TRIO: variants seen among roughly 807,000 people sequenced by gnomAD.
The protein encoded by TRIO is trio Rho guanine nucleotide exchange factor, also known as triple functional domain protein.
Under a neutral mutation model 351.9 loss-of-function variants are expected in TRIO, and 58 were observed. That is an observed-to-expected ratio of 0.16 (90% CI 0.13 to 0.21). The LOEUF is 0.21. Among genes scored for constraint, TRIO ranks in the 10% least tolerant of loss-of-function variants. The pLI, the probability that TRIO is intolerant of heterozygous loss-of-function variation, is 1.00. For synonymous variants in TRIO, 1,758 were observed against 1,595.7 expected (o/e 1.10, Z -2.42); for missense variants, 3,201 against 4,027.8 (o/e 0.79, Z 5.56).
chr5:14,232,523 A>G (rs1030422038), intron 1 of TRIO, among the ~76,000 whole-genome samples: 10 of 152,222 alleles, frequency 6.6e-5, no homozygotes, highest in African/African-American at 2.4e-5. Context: ...TAAGCTCCGC[A>G]AGGGCAGGAA....
intron 1 of TRIO, among the ~76,000 whole-genome samples, chr5:14,146,334 G>A (rs1787521459): frequency 6.6e-6 from 1 of 152,148 alleles, no homozygotes; most frequent in Non-Finnish European, 1.5e-5. Flanking sequence ...GACAGATCAT[G>A]GTGTGTTTTT....
chr5:14,306,017 C>T (rs1488919494), intron 8 of TRIO, among the ~76,000 whole-genome samples: 1 of 152,210 alleles, frequency 6.6e-6, no homozygotes, highest in Non-Finnish European at 1.5e-5. Flanking sequence ...TAGGCTGCAT[C>T]GTCTAGCTTT....
chr5:14,484,367 G>T (rs1292519832), intron 46 of TRIO, among the ~76,000 whole-genome samples: 1 of 152,214 alleles, frequency 6.6e-6, no homozygotes, highest in African/African-American at 2.4e-5. Flanking sequence ...AGGGGTTTGG[G>T]AAACAGGTAA....
chr5:14,269,573 G>A (rs930613673), intron 1 of TRIO, among the ~76,000 whole-genome samples: 1 of 152,220 alleles, frequency 6.6e-6, no homozygotes, highest in Non-Finnish European at 1.5e-5. Flanking sequence ...CTGCCCTCAG[G>A]CTAACAGCCC....
intron 1 of TRIO, among the ~76,000 whole-genome samples, chr5:14,244,283 G>T (rs1414903647): frequency 6.6e-6 from 1 of 152,200 alleles, no homozygotes; most frequent in African/African-American, 2.4e-5. Context: ...GTAATTTCCT[G>T]TTTAATTTAT....
intron 33 of TRIO, among the ~76,000 whole-genome samples, chr5:14,418,228 G>A (rs1749803438): frequency 6.6e-6 from 1 of 152,180 alleles, no homozygotes; most frequent in South Asian, 2.1e-4. Context: ...GGAGGAGGAG[G>A]GAGGTGCTTC....
In TRIO at chr5:14,397,168, C is replaced by CT; in HGVS notation, c.4423+14_4423+15insT. 1 of 1,587,250 alleles carries CT rather than the reference C, an allele frequency of 6.3e-7. No homozygotes were observed. Among genetic ancestry groups the CT allele is most frequent in the Non-Finnish European group, 8.6e-7 (1 of 1,165,450 alleles). ...GCATGCTGGAAGGTAAAGGACCCTCCATACCCCAGTGTGCATCTATGCAGT... is the reference window on the plus strand; with the variant it reads ...GCATGCTGGAAGGTAAAGGACCCTCCTATACCCCAGTGTGCATCTATGCAGT... On this transcript the variant is annotated intron_variant, in intron 29 of 56. Transcript: ENST00000344204.
intron 1 of TRIO, among the ~76,000 whole-genome samples, chr5:14,224,688 A>G (rs1054150910): frequency 2.6e-5 from 4 of 152,196 alleles, no homozygotes; most frequent in Non-Finnish European, 2.9e-5. Context: ...TGGCTAAAAT[A>G]TAGTTCAGTT....
intron 7 of TRIO, among the ~76,000 whole-genome samples, chr5:14,302,589 G>A (rs16903376): frequency 0.033 from 4,998 of 152,286 alleles, 290 homozygotes; most frequent in African/African-American, 0.11. Flanking sequence ...GCTTCAAGCC[G>A]TAAGGTCTGC....
intron 1 of TRIO, among the ~76,000 whole-genome samples, chr5:14,254,701 A>G (rs1794932658): frequency 1.3e-5 from 2 of 152,226 alleles, no homozygotes. Flanking sequence ...GTTATTGTAT[A>G]TGAAATAGGC....
Position 14,389,291 on chromosome 5 carries a change from G to C in TRIO, c.3951G>C (p.Thr1317=), listed in dbSNP as rs752164149. 1.4e-5 allele frequency: 22 copies of C among 1,606,208 alleles called. No homozygotes were observed. Among genetic ancestry groups the C allele is most frequent in the Admixed American group, 6.9e-5 (4 of 58,148 alleles). The change falls in exon 25 of 57, where the codon ACG becomes ACC. Residue 1317 remains threonine (T), a splice_region_variant and synonymous_variant. Transcript: ENST00000344204. ...ATCCCTGTTTCCCTCTCGGCTAGAC[G>C]TACCTGTGGGAAATGACCAGTGGCG... ...YVRDLRECMD[T]YLWEMTSGVE... is the part of the protein sequence containing the mutation.
intron 1 of TRIO, among the ~76,000 whole-genome samples, chr5:14,165,716 G>T (rs1036542382): frequency 6.6e-6 from 1 of 152,112 alleles, no homozygotes; most frequent in African/African-American, 2.4e-5. Context: ...GTAGCCCTTC[G>T]CAGACAGAGC....
intron 11 of TRIO, among the ~76,000 whole-genome samples, chr5:14,341,099 G>A (rs1396679429): frequency 2.0e-5 from 3 of 152,120 alleles, no homozygotes. Context: ...GATTTGGGAG[G>A]ATCTTTCTCC....
At chr5:14,465,810 C>T (rs1052177852) in intron 37 of TRIO, 170 bp downstream of exon 37, 3 of 658,356 alleles carry the variant, frequency 4.6e-6, no homozygotes, top group Admixed American at 5.0e-5. Flanking sequence ...TTGAAGGACT[C>T]AGAGAACTCA....
rs564516154 is a variant in TRIO, at chr5:14,455,264, C to T, written c.5204-5755C>T. Among the ~76,000 whole-genome samples the T allele has an allele frequency of 1.2e-4, 18 of 152,266 alleles. No homozygotes were observed. The South Asian group carries it at 1.9e-3, about 16-fold the overall frequency. Reference sequence around the variant, plus strand: ...CTGATTGGTCCATTTTGCAGAGAGCCGATTCGCCGATTTTACAGAGAGCTG... The same window carrying T: ...CTGATTGGTCCATTTTGCAGAGAGCTGATTCGCCGATTTTACAGAGAGCTG... On this transcript the variant is annotated intron_variant, in intron 34 of 56. Transcript: ENST00000344204.
At position 14,492,636 on chromosome 5, in the gene TRIO, G is replaced by A. The variant is rs772715145; in HGVS notation, c.7702G>A (p.Asp2568Asn). 2 of 1,614,198 alleles carry A rather than the reference G, an allele frequency of 1.2e-6. No individual in the cohort carries two copies. The highest frequency in any genetic ancestry group is 1.7e-6 in the Non-Finnish European group (2 of 1,180,042). ...VTHDYTAVKE[D>N]EINVYQGEVV... ...ACACGATTACACGGCAGTGAAGGAG[G>A]ATGAGATCAACGTCTACCAAGGAGA... is the stretch of plus-strand genomic sequence containing the variant. Residue 2568 changes from aspartate to asparagine, a missense_variant, in exon 49 of 57, where the codon GAT becomes AAT. By Grantham distance (23) the Asp-to-Asn change is conservative (BLOSUM62 1). This residue lies in a region of TRIO where 1,089 missense variants were observed against 954.9 expected (regional missense o/e 1.14). Transcript: ENST00000344204.
intron 3 of TRIO, among the ~76,000 whole-genome samples, chr5:14,282,326 A>T (rs948145587): frequency 6.6e-6 from 1 of 152,202 alleles, no homozygotes; most frequent in African/African-American, 2.4e-5. Flanking sequence ...AAGAAATACA[A>T]AGGGCAGGGT....
At chr5:14,269,945 C>T (rs1340820481) in intron 1 of TRIO, among the ~76,000 whole-genome samples, 1 of 152,188 alleles carries the variant, frequency 6.6e-6, no homozygotes, top group East Asian at 1.9e-4. Context: ...GTAGGCATCC[C>T]TGAACCTAGA....
At chr5:14,459,947 G>A (rs559280452) in intron 34 of TRIO, among the ~76,000 whole-genome samples, 3 of 151,090 alleles carry the variant, frequency 2.0e-5, no homozygotes, top group East Asian at 1.9e-4. Flanking sequence ...ATGCAGTTTC[G>A]CTCTGTCGTT....
Sources: allele counts gnomAD v4.1 joint callset (sites outside exome capture counted in the v4.1 genomes callset), GRCh38; gene constraint gnomAD v4.1.1; regional missense constraint gnomAD v4.1.1; transcripts MANE v1.5; gene names NCBI Gene and HGNC (gene_info 2026-07-23, HGNC 2026-07-21).